The following EXOC4 variants were observed in gnomAD, a reference collection of about 807,000 sequenced individuals.
EXOC4 encodes the protein SEC8-like 1.
Under a neutral mutation model 107.2 loss-of-function variants are expected in EXOC4, and 71 were observed. The ratio of observed to expected loss-of-function variants is 0.66; its 90% CI spans 0.55 to 0.81. The LOEUF (loss-of-function observed/expected upper bound fraction) is 0.81, where lower values mean the gene tolerates loss of function less well. Among genes scored for constraint, EXOC4 ranks in the 30% least tolerant of loss-of-function variants. EXOC4 has a pLI of 0.00. For missense variants in EXOC4, 1,108 were observed against 1,189.6 expected (o/e 0.93, Z 1.01); for synonymous variants, 456 against 441.2 (o/e 1.03, Z -0.42).
chr7:133,885,603 G>A (rs1799068728), intron 11 of EXOC4, among the ~76,000 whole-genome samples: 1 of 152,180 alleles, frequency 6.6e-6, no homozygotes, highest in African/African-American at 2.4e-5. Flanking sequence ...TCCAGTGAGA[G>A]TGTGGGCCAA....
At chr7:133,665,113 T>G (rs977528367) in intron 10 of EXOC4, among the ~76,000 whole-genome samples, 2 of 152,186 alleles carry the variant, frequency 1.3e-5, no homozygotes, top group Admixed American at 1.3e-4. Context: ...TTATGTTGAA[T>G]TTTTTAGTTC....
chr7:134,013,159 G>A (rs115635328), intron 17 of EXOC4, among the ~76,000 whole-genome samples: 1,761 of 152,300 alleles, frequency 0.012, 25 homozygotes, highest in African/African-American at 0.04. Flanking sequence ...TTTTTAGTGT[G>A]CTATATGAAA....
chr7:134,066,420 G>A (rs1457721090), downstream of EXOC4: 1 of 152,188 alleles, frequency 6.6e-6, no homozygotes, highest in African/African-American at 2.4e-5. Context: ...ACCAAAAAAT[G>A]GCAGATGAGC....
chr7:133,996,267 A>G (rs1044094811), intron 14 of EXOC4, among the ~76,000 whole-genome samples: 1 of 152,248 alleles, frequency 6.6e-6, no homozygotes, highest in South Asian at 2.1e-4. Flanking sequence ...ACAAAATAAA[A>G]TAATAAGGCA....
chr7:133,896,506 AAAC>A (rs1188553467), intron 12 of EXOC4, among the ~76,000 whole-genome samples: 8 of 109,522 alleles, frequency 7.3e-5, no homozygotes, highest in African/African-American at 4.4e-4. Flanking sequence ...AAGGAACAAA[AAAC>A]AAGAAAGAGA....
At chr7:134,082,443 A>AGTT in the EXOC4 span, among the ~76,000 whole-genome samples, 3 of 151,828 alleles carry the variant, frequency 2.0e-5, no homozygotes, top group Non-Finnish European at 2.9e-5. Context: ...TAGTTTTTAT[A>AGTT]GTTGTTGTTG....
At chr7:133,270,214 C>CCT (rs1414790661) in intron 1 of EXOC4, among the ~76,000 whole-genome samples, 1 of 152,232 alleles carries the variant, frequency 6.6e-6, no homozygotes, top group East Asian at 1.9e-4. Flanking sequence ...GCCTCCCCAG[C>CCT]CATGTGGAAT....
chr7:133,422,073 A>AT (rs956919440), intron 7 of EXOC4, among the ~76,000 whole-genome samples: 10 of 152,132 alleles, frequency 6.6e-5, no homozygotes, highest in African/African-American at 1.7e-4. Flanking sequence ...TAAAAATTTC[A>AT]TTTTTTTGCA....
intron 5 of EXOC4, among the ~76,000 whole-genome samples, chr7:133,330,521 G>A (rs1443009994): frequency 6.6e-6 from 1 of 152,162 alleles, no homozygotes; most frequent in African/African-American, 2.4e-5. Context: ...TGGTTGCCCA[G>A]TTTTGTGCTT....
chr7:133,301,045 GC>G (rs1794630978), intron 3 of EXOC4, among the ~76,000 whole-genome samples: 1 of 152,204 alleles, frequency 6.6e-6, no homozygotes, highest in Non-Finnish European at 1.5e-5. Flanking sequence ...TTCGCTGCTT[GC>G]TTAGACGTGA....
chr7:134,063,264 C>A (rs979670593), intron 17 of EXOC4, among the ~76,000 whole-genome samples: 1 of 152,192 alleles, frequency 6.6e-6, no homozygotes, highest in African/African-American at 2.4e-5. Flanking sequence ...CCCTGCCTGA[C>A]AGAATCTTAC....
rs550586626 is a variant in EXOC4 at position 133,785,434 on chromosome 7, T to C, written c.1515-31891T>C. ...TCATTTACTGTACTGTATCATAACT[T>C]AGGAGTTTTATCTTTTGATGACTTT... On this transcript the variant is annotated intron_variant, in intron 10 of 17. Transcript: ENST00000253861. Among the ~76,000 whole-genome samples the C allele has an allele frequency of 2.0e-5, 3 of 152,182 alleles. No individual in the cohort carries two copies. In the South Asian group the frequency reaches 6.2e-4, roughly 32 times the overall value.
chr7:133,271,561 T>G (rs886139050), intron 1 of EXOC4, among the ~76,000 whole-genome samples: 4 of 152,218 alleles, frequency 2.6e-5, no homozygotes, highest in African/African-American at 9.6e-5. Context: ...GGTCTCTCAC[T>G]CCAGAGCAAG....
At chr7:133,831,640 G>C (rs1484573431) in intron 11 of EXOC4, among the ~76,000 whole-genome samples, 2 of 150,762 alleles carry the variant, frequency 1.3e-5, no homozygotes, top group Non-Finnish European at 2.9e-5. Context: ...GCCTGCCCCA[G>C]CCCTAGAATC....
chr7:133,412,538 G>A (rs978358529), intron 7 of EXOC4, among the ~76,000 whole-genome samples: 16 of 151,628 alleles, frequency 1.1e-4, no homozygotes, highest in Non-Finnish European at 2.2e-4. Flanking sequence ...ATCCCAAACC[G>A]CCATGAAAAA....
chr7:133,415,599 G>A (rs1437973688), intron 7 of EXOC4, among the ~76,000 whole-genome samples: 1 of 152,002 alleles, frequency 6.6e-6, no homozygotes, highest in East Asian at 1.9e-4. Flanking sequence ...ATTGTTTCTC[G>A]ATACACACAT....
At chr7:133,914,641 A>C (rs1309787437) in intron 12 of EXOC4, among the ~76,000 whole-genome samples, 2 of 49,910 alleles carry the variant, frequency 4.0e-5, no homozygotes, top group Non-Finnish European at 8.0e-5. Flanking sequence ...AAAATAAAAA[A>C]AAAGGAAAAA....
chr7:133,556,576 G>A (rs939426340), intron 9 of EXOC4, among the ~76,000 whole-genome samples: 4 of 152,082 alleles, frequency 2.6e-5, no homozygotes, highest in African/African-American at 9.7e-5. Context: ...AACCAAAATG[G>A]GGTACCGCGG....
Position 133,543,179 on chromosome 7 carries a change from G to T in EXOC4, c.1417+63041G>T, listed in dbSNP as rs574431070. 5.8e-4 allele frequency among the ~76,000 whole-genome samples: 87 copies of T among 150,936 alleles called. 1 individual carries two copies. The highest frequency in any genetic ancestry group is 1.6e-3 in the African/African-American group (64 of 40,882). On this transcript the variant is annotated intron_variant, in intron 9 of 17. Coordinates refer to ENST00000253861, the MANE Select transcript of EXOC4 (RefSeq NM_021807.4). ...AAAAGGTAATGAGAATTTTTTTTTT[G>T]ATATAATCCTCACAAAATATACTTT...
Sources: gnomAD v4.1 joint callset for allele counts (sites outside exome capture counted in the v4.1 genomes callset) on GRCh38, gnomAD v4.1.1 for gene constraint, MANE v1.5 for transcripts, NCBI Gene and HGNC (gene_info 2026-07-23, HGNC 2026-07-21) for gene names.